The following SLC4A4 variants were observed in gnomAD, a reference collection of about 807,000 sequenced individuals.
SLC4A4 encodes the protein electrogenic sodium bicarbonate cotransporter 1.
In SLC4A4, 27 loss-of-function variants were observed where a neutral mutation model predicts 111.5. The observed-to-expected ratio is 0.24, with a 90% CI of 0.18 to 0.33. The LOEUF (loss-of-function observed/expected upper bound fraction) is 0.33, where lower values mean the gene tolerates loss of function less well. SLC4A4 is among the 10% of genes least tolerant of loss of function. The probability of loss-of-function intolerance (pLI) is 1.00; values close to 1 mark genes in which losing one functional copy is unlikely to be tolerated. For synonymous variants in SLC4A4, 443 were observed against 463.4 expected (o/e 0.96, Z 0.57); for missense variants, 909 against 1,315.5 (o/e 0.69, Z 4.78).
intron 2 of SLC4A4, among the ~76,000 whole-genome samples, chr4:71,135,011 G>A (rs886587935): frequency 3.3e-5 from 5 of 152,178 alleles, no homozygotes; most frequent in African/African-American, 1.2e-4. Flanking sequence ...AGGGGTTACA[G>A]TTGCCATGAG....
intron 1 of SLC4A4, among the ~76,000 whole-genome samples, chr4:71,211,287 A>G (rs980953624): frequency 2.0e-5 from 3 of 152,234 alleles, no homozygotes; most frequent in Admixed American, 6.5e-5. Flanking sequence ...ATAAAGACAT[A>G]GTGATTCTCC....
rs138799979 is a variant in SLC4A4, at chr4:71,167,425, A to G, written c.-1-69151A>G. ...GGTCAAAGCGGTCCCAAGTACATCC[A>G]GTTTTAAGGAGATGAGAATTAGACT... is the stretch of plus-strand genomic sequence containing the variant. On this transcript the variant is annotated intron_variant, in intron 2 of 26. Coordinates refer to the SLC4A4 transcript ENST00000649996. Among the ~76,000 whole-genome samples, 632 of 152,286 alleles carry G rather than the reference A, an allele frequency of 4.2e-3. 8 individuals carry two copies. The highest frequency in any genetic ancestry group is 0.014 in the African/African-American group (592 of 41,550).
chr4:71,178,297 T>A (rs562648150), intron 2 of SLC4A4, among the ~76,000 whole-genome samples: 39 of 149,972 alleles, frequency 2.6e-4, no homozygotes, highest in Admixed American at 2.0e-3. Context: ...AAAAAAGAAC[T>A]AGAGAAGCAA....
chr4:71,085,097 C>A (rs1288824737), intron 1 of SLC4A4, among the ~76,000 whole-genome samples: 2 of 152,104 alleles, frequency 1.3e-5, no homozygotes, highest in African/African-American at 4.8e-5. Context: ...GATTGCCATT[C>A]TAACTGGTGT....
chr4:71,240,489 A>G (rs995223475), intron 2 of SLC4A4, among the ~76,000 whole-genome samples: 6 of 152,178 alleles, frequency 3.9e-5, no homozygotes, highest in Admixed American at 1.3e-4. Flanking sequence ...TAGAGCTATT[A>G]TGCTATATTG....
chr4:71,520,828 C>G (rs1486409209), intron 16 of SLC4A4, among the ~76,000 whole-genome samples: 1 of 151,868 alleles, frequency 6.6e-6, no homozygotes, highest in African/African-American at 2.4e-5. Context: ...TTACTCATTT[C>G]TCTGTATTTC....
At position 71,345,341 on chromosome 4, in the gene SLC4A4, G is replaced by T. The variant is rs556063379; in HGVS notation, c.390-4571G>T. Among the ~76,000 whole-genome samples the T allele has an allele frequency of 3.3e-5, 5 of 152,130 alleles. No homozygotes were observed. The East Asian group carries it at 9.6e-4, about 29-fold the overall frequency. On this transcript the variant is annotated intron_variant, in intron 4 of 25. Coordinates refer to ENST00000264485, the MANE Select transcript of SLC4A4 (RefSeq NM_001098484.3). ...CCCTGCCCAAATTCTTTATTCATTT[G>T]AGTAGGGATATCTCTGCAAAAATGA...
chr4:71,497,394 T>A (rs565765246), intron 15 of SLC4A4, 107 bp from the exon 16 acceptor site: 1 of 922,690 alleles, frequency 1.1e-6, no homozygotes, highest in East Asian at 2.6e-5. Context: ...ATTTTCAAAC[T>A]GTTTTACAGA....
intron 7 of SLC4A4, among the ~76,000 whole-genome samples, chr4:71,403,468 A>T (rs968870542): frequency 1.3e-5 from 2 of 152,230 alleles, no homozygotes; most frequent in African/African-American, 4.8e-5. Flanking sequence ...TCACATAATC[A>T]AAAGTGCTAT....
At chr4:71,226,163 C>T (rs896910711) in intron 1 of SLC4A4, among the ~76,000 whole-genome samples, 1 of 152,072 alleles carries the variant, frequency 6.6e-6, no homozygotes. Flanking sequence ...AGATAGATCT[C>T]ACTATGTTGC....
intron 7 of SLC4A4, chr4:71,434,686 C>G (rs961058797): frequency 6.6e-6 from 1 of 151,946 alleles, no homozygotes; most frequent in African/African-American, 2.4e-5. Flanking sequence ...ATCTCAGGCC[C>G]AAATCTCCTC....
At chr4:71,485,329 GT>G (rs199657798) in intron 14 of SLC4A4, among the ~76,000 whole-genome samples, 29 of 151,498 alleles carry the variant, frequency 1.9e-4, no homozygotes, top group African/African-American at 6.5e-4. Context: ...TTTGTTGAGA[GT>G]TTTTTTTAAC....
rs548725135 is a variant in SLC4A4, at chr4:71,493,989, A to G, written c.1975-3512A>G. Reference sequence around the variant, plus strand: ...TTTCATAGTGTTTTGTGGTATCTTCACTTCCATTGTGGATACCCTAGATGT... The same window carrying G: ...TTTCATAGTGTTTTGTGGTATCTTCGCTTCCATTGTGGATACCCTAGATGT... On this transcript the variant is annotated intron_variant, in intron 15 of 25. Transcript: ENST00000264485. Among the ~76,000 whole-genome samples the G allele has an allele frequency of 2.6e-5, 4 of 151,786 alleles. No homozygotes were observed. In the East Asian group the frequency reaches 7.8e-4, roughly 29 times the overall value.
At chr4:71,429,156 C>T (rs972009010) in intron 7 of SLC4A4, among the ~76,000 whole-genome samples, 8 of 152,022 alleles carry the variant, frequency 5.3e-5, no homozygotes, top group East Asian at 3.9e-4. Context: ...GCTAGGAGGA[C>T]GTAATATTAA....
At chr4:71,216,138 G>T (rs572034212) in intron 1 of SLC4A4, among the ~76,000 whole-genome samples, 29 of 151,992 alleles carry the variant, frequency 1.9e-4, no homozygotes, top group African/African-American at 7.0e-4. Flanking sequence ...CGAACTCCTG[G>T]CCTCAAGTGA....
At chr4:71,261,382 T>G (rs1405753806) in intron 3 of SLC4A4, among the ~76,000 whole-genome samples, 1 of 152,246 alleles carries the variant, frequency 6.6e-6, no homozygotes, top group African/African-American at 2.4e-5. Flanking sequence ...AGGATCTCTT[T>G]CTGGCTCTTT....
intron 22 of SLC4A4, among the ~76,000 whole-genome samples, chr4:71,558,818 C>T (rs1646067014): frequency 6.6e-6 from 1 of 151,544 alleles, no homozygotes; most frequent in Non-Finnish European, 1.5e-5. Context: ...TTTGTTAGGT[C>T]AGATTTTTTT....
chr4:71,441,057 C>T (rs1724668248), intron 8 of SLC4A4, among the ~76,000 whole-genome samples: 1 of 152,048 alleles, frequency 6.6e-6, no homozygotes, highest in Non-Finnish European at 1.5e-5. Flanking sequence ...CTATAGTTAT[C>T]TGGTTTTACA....
At chr4:71,290,046 G>A (rs1578762887) in intron 3 of SLC4A4, among the ~76,000 whole-genome samples, 1 of 152,122 alleles carries the variant, frequency 6.6e-6, no homozygotes, top group East Asian at 1.9e-4. Flanking sequence ...AAGTAACGAA[G>A]GTTTAGAGGA....
Sources: gnomAD v4.1 joint callset for allele counts (sites outside exome capture counted in the v4.1 genomes callset) on GRCh38, gnomAD v4.1.1 for gene constraint, MANE v1.5 for transcripts, NCBI Gene and HGNC (gene_info 2026-07-23, HGNC 2026-07-21) for gene names.